Variants in WIPF3 observed in about 807,000 individuals in gnomAD.
WIPF3 encodes WAS/WASL interacting protein family member 3, also known as WAS/WASL-interacting protein family member 3.
Under a neutral mutation model 38.9 loss-of-function variants are expected in WIPF3, and 33 were observed. The ratio of observed to expected loss-of-function variants is 0.85; its 90% CI spans 0.64 to 1.14. The LOEUF is 1.14. WIPF3 is among the 50% of genes most tolerant of loss of function. WIPF3 has a pLI of 0.00. For missense variants in WIPF3, 711 were observed against 652.5 expected, an observed-to-expected ratio of 1.09 and a Z score of -0.98; for synonymous variants, 324 against 269.3, an observed-to-expected ratio of 1.20 and a Z score of -1.99.
chr7:29,863,767 T>A (rs114627591), intron 2 of WIPF3, among the ~76,000 whole-genome samples: 207 of 152,338 alleles, frequency 1.4e-3, no homozygotes, highest in African/African-American at 4.9e-3. Flanking sequence ...ATTTTAAGAA[T>A]CCATATGCTG....
chr7:29,903,299 T>TA (rs2128080467), intron 7 of WIPF3, among the ~76,000 whole-genome samples: 1 of 151,954 alleles, frequency 6.6e-6, no homozygotes, highest in Non-Finnish European at 1.5e-5. Context: ...GTCTAAAAAA[T>TA]AAAATAAAAT....
intron 1 of WIPF3, among the ~76,000 whole-genome samples, chr7:29,822,128 T>TTA (rs1784549343): frequency 6.8e-6 from 1 of 145,990 alleles, no homozygotes; most frequent in Admixed American, 6.8e-5. Context: ...TCTTAGTTTT[T>TTA]TTTTTTTTTT....
rs1458798479 is a variant in WIPF3, at chr7:29,884,160, G to C, written c.666G>C (p.Ala222=). 1.3e-6 allele frequency: 2 copies of C among 1,513,374 alleles called. No individual in the cohort carries two copies. The highest frequency in any genetic ancestry group is 2.1e-5 in the Admixed American group (1 of 47,358). The allele number at this position is 1,513,374 out of a possible 1,614,324, so 93.7% of individuals were successfully genotyped here. A position where few individuals can be genotyped will look rare whatever the true frequency, so the allele number is the denominator to read the frequency against. Residue 222 remains alanine (A), a synonymous_variant, in exon 5 of 9, where the codon GCG becomes GCC. Coordinates refer to ENST00000242140, the MANE Select transcript of WIPF3 (RefSeq NM_001080529.3). ...LPVVAPPVPC[A]PPPPPPPPPP... ...TGGTTGCACCCCCCGTCCCCTGTGC[G>C]CCACCACCTCCACCTCCGCCACCTC...
At chr7:29,888,275 C>T (rs1433811541) in intron 6 of WIPF3, 58 bp downstream of exon 6, 1 of 1,544,716 alleles carries the variant, frequency 6.5e-7, no homozygotes, top group Admixed American at 2.0e-5. Context: ...ATTCTCCCAA[C>T]CTCTGGAGAG....
intron 6 of WIPF3, among the ~76,000 whole-genome samples, chr7:29,888,500 C>CGTGTGCGT (rs1554347976): frequency 0.029 from 4,023 of 138,698 alleles, 58 homozygotes; most frequent in Middle Eastern, 0.089. Flanking sequence ...TGTGCGTGTG[C>CGTGTGCGT]GTGTGTGTGC....
At chr7:29,905,018 G>A (rs150278979) in intron 8 of WIPF3, 6 of 152,236 alleles carry the variant, frequency 3.9e-5, no homozygotes, top group African/African-American at 1.2e-4. Context: ...GTATTCAGTC[G>A]AACAATAATC....
At chr7:29,883,145 T>C (rs897570777) in intron 4 of WIPF3, among the ~76,000 whole-genome samples, 17 of 152,252 alleles carry the variant, frequency 1.1e-4, no homozygotes, top group South Asian at 6.2e-4. Flanking sequence ...AAAAGAGGAA[T>C]TGAATTTCAA....
chr7:29,878,906 G>T lies in WIPF3; in HGVS notation c.224-103G>T. ...TTGGAGGTGGGAGAATGGGAAGGCTGACAAGGGCAGTGGTAGACCAGTGTT... is the reference window on the plus strand; with the variant it reads ...TTGGAGGTGGGAGAATGGGAAGGCTTACAAGGGCAGTGGTAGACCAGTGTT... On this transcript the variant is annotated intron_variant, in intron 3 of 8. Transcript: ENST00000242140. This position sits in a 1 kb window ranked among gnomAD's most constrained non-coding sequence, Gnocchi z 4.0. 7.3e-7 allele frequency: 1 copy of T among 1,366,110 alleles called. No individual in the cohort carries two copies. 84.6% of individuals were successfully genotyped at this position (1,366,110 alleles called of 1,614,324 possible). A position where few individuals can be genotyped will look rare whatever the true frequency, so the allele number is the denominator to read the frequency against.
chr7:29,881,041 C>T (rs1785705040), intron 4 of WIPF3, among the ~76,000 whole-genome samples: 1 of 152,186 alleles, frequency 6.6e-6, no homozygotes, highest in African/African-American at 2.4e-5. Flanking sequence ...CACCGACTCT[C>T]CCTTGGCCTG....
intron 2 of WIPF3, among the ~76,000 whole-genome samples, chr7:29,848,767 A>T (rs893800605): frequency 6.6e-6 from 1 of 152,202 alleles, no homozygotes; most frequent in African/African-American, 2.4e-5. Flanking sequence ...TGTTTTTAAT[A>T]AGCAGGGATT....
At chr7:29,888,504 TGTGTGC>T (rs1411280929) in intron 6 of WIPF3, among the ~76,000 whole-genome samples, 9 of 145,502 alleles carry the variant, frequency 6.2e-5, no homozygotes, top group African/African-American at 5.0e-5. Flanking sequence ...CGTGTGCGTG[TGTGTGC>T]GTGTGTGTGT....
chr7:29,894,199 G>C (rs1786084713), intron 7 of WIPF3, among the ~76,000 whole-genome samples: 1 of 152,106 alleles, frequency 6.6e-6, no homozygotes, highest in Non-Finnish European at 1.5e-5. Flanking sequence ...TTCAGATTCA[G>C]TCAGTGCTAA....
chr7:29,900,179 C>T (rs202094300), intron 7 of WIPF3, among the ~76,000 whole-genome samples: 5 of 102,384 alleles, frequency 4.9e-5, no homozygotes, highest in South Asian at 2.8e-4. Flanking sequence ...TCAAGTGATC[C>T]GCCTGCCTCA....
chr7:29,904,445 T>C, intron 8 of WIPF3, 83 bp downstream of exon 8: 1 of 1,420,988 alleles, frequency 7.0e-7, no homozygotes, highest in Non-Finnish European at 9.9e-7. Context: ...TGCTTTCTCC[T>C]AAACAGCTTT....
intron 2 of WIPF3, among the ~76,000 whole-genome samples, chr7:29,841,258 TA>T (rs1448657322): frequency 1.3e-5 from 2 of 152,156 alleles, no homozygotes; most frequent in Non-Finnish European, 1.5e-5. Flanking sequence ...GGGAGTAGGT[TA>T]GGGGGAAATT....
intron 2 of WIPF3, among the ~76,000 whole-genome samples, chr7:29,867,947 T>C (rs1360526478): frequency 6.6e-6 from 1 of 152,148 alleles, no homozygotes; most frequent in East Asian, 1.9e-4. Flanking sequence ...TTTTTTAAGC[T>C]GGATTCACTG....
chr7:29,891,785 T>C (rs1786030277), intron 7 of WIPF3, among the ~76,000 whole-genome samples: 1 of 152,126 alleles, frequency 6.6e-6, no homozygotes, highest in African/African-American at 2.4e-5. Context: ...AGTGTCTTAA[T>C]CAATGATTGT....
At chr7:29,807,150 T>C (rs1249917414) in intron 1 of WIPF3, among the ~76,000 whole-genome samples, 2 of 151,718 alleles carry the variant, frequency 1.3e-5, no homozygotes, top group Non-Finnish European at 2.9e-5. Context: ...AAAAGAGAGC[T>C]AGGAAATTGC....
rs1786566344 is a variant in WIPF3 at position 29,914,473 on chromosome 7, G to A, written c.1429-20G>A. 6.6e-7 allele frequency: 1 copy of A among 1,508,562 alleles called. No homozygotes were observed. The highest frequency in any genetic ancestry group is 1.4e-5 in the African/African-American group (1 of 70,946). The allele number at this position is 1,508,562 out of a possible 1,614,324, so 93.4% of individuals were successfully genotyped here. A position where few individuals can be genotyped will look rare whatever the true frequency, so the allele number is the denominator to read the frequency against. ...GAGTCTTCTAACTCCACCTGGTAATGTTCTGTTATGTTTCCACAGTTATCT... is the reference window on the plus strand; with the variant it reads ...GAGTCTTCTAACTCCACCTGGTAATATTCTGTTATGTTTCCACAGTTATCT... On this transcript the variant is annotated intron_variant, in intron 8 of 8. Transcript: ENST00000242140.
Sources: gnomAD v4.1 joint callset for allele counts (sites outside exome capture counted in the v4.1 genomes callset) on GRCh38, gnomAD v4.1.1 for gene constraint, Gnocchi (gnomAD v3.1) non-coding constraint, MANE v1.5 for transcripts, NCBI Gene and HGNC (gene_info 2026-07-23, HGNC 2026-07-21) for gene names.